Variants in FYN observed in about 807,000 individuals in gnomAD.
The protein encoded by FYN is tyrosine-protein kinase Fyn.
A neutral mutation model predicts 70.2 loss-of-function variants in FYN; 10 were observed. That is an observed-to-expected ratio of 0.14 (90% CI 0.09 to 0.24). FYN has a LOEUF of 0.24. Among genes scored for constraint, FYN ranks in the 10% least tolerant of loss-of-function variants. The pLI, the probability that FYN is intolerant of heterozygous loss-of-function variation, is 1.00. For missense variants in FYN, 319 were observed against 673.1 expected (o/e 0.47, Z 5.82); for synonymous variants, 236 against 248.6 (o/e 0.95, Z 0.48).
At chr6:111,828,965 T>C (rs1772924688) in intron 2 of FYN, among the ~76,000 whole-genome samples, 1 of 152,124 alleles carries the variant, frequency 6.6e-6, no homozygotes, top group African/African-American at 2.4e-5. Context: ...CTCAGAGCCT[T>C]TAAATGTTAA....
At position 111,661,733 on chromosome 6, in the gene FYN, C is replaced by T. The variant is rs1287592579; in HGVS notation, c.*6G>A. The T allele has an allele frequency of 6.8e-6, 11 of 1,612,536 alleles. No homozygotes were observed. The highest frequency in any genetic ancestry group is 2.2e-5 in the East Asian group (1 of 44,866). ...GGGACAAGGCCTCTCTCCGCAGACC[C>T]GGGCCTTACAGGTTTTCACCAGGTT... On this transcript the variant is annotated 3_prime_UTR_variant, in exon 14 of 14. Transcript: ENST00000354650. The surrounding 1 kb of genome is among the most constrained non-coding windows in gnomAD (Gnocchi z 4.0).
chr6:111,672,384 C>T (rs1177002030), intron 13 of FYN, among the ~76,000 whole-genome samples: 2 of 152,226 alleles, frequency 1.3e-5, no homozygotes, highest in African/African-American at 4.8e-5. Context: ...CTGCAGGAGC[C>T]GCTGGAGTTA....
At chr6:111,669,777 C>G (rs1798184789) in intron 13 of FYN, among the ~76,000 whole-genome samples, 1 of 151,970 alleles carries the variant, frequency 6.6e-6, no homozygotes, top group Non-Finnish European at 1.5e-5. Context: ...CATTTATTTG[C>G]TTATACTTAC....
intron 3 of FYN, among the ~76,000 whole-genome samples, chr6:111,743,912 A>G (rs932490185): frequency 1.1e-4 from 16 of 152,190 alleles, no homozygotes; most frequent in African/African-American, 3.9e-4. Flanking sequence ...TTTATTATAG[A>G]AAAAAAGTGG....
intron 10 of FYN, 73 bp downstream of exon 10, chr6:111,696,203 GA>G: frequency 7.9e-7 from 1 of 1,271,882 alleles, no homozygotes; most frequent in Middle Eastern, 2.4e-4. Flanking sequence ...TAGCAAGTAG[GA>G]AACTTCCATT....
At chr6:111,872,772 G>A (rs957598583) in intron 1 of FYN, among the ~76,000 whole-genome samples, 196 bp downstream of exon 1, 3 of 151,782 alleles carry the variant, frequency 2.0e-5, no homozygotes, top group African/African-American at 4.8e-5. Flanking sequence ...GCCGCACCCC[G>A]CAGGGGTGTC....
intron 4 of FYN, among the ~76,000 whole-genome samples, chr6:111,718,078 T>C (rs891389746): frequency 6.6e-6 from 1 of 152,206 alleles, no homozygotes; most frequent in African/African-American, 2.4e-5. Context: ...TTCCCTTCTT[T>C]AAAAACAATT....
intron 12 of FYN, among the ~76,000 whole-genome samples, chr6:111,675,876 C>T (rs1798513596): frequency 6.6e-6 from 1 of 151,692 alleles, no homozygotes; most frequent in Non-Finnish European, 1.5e-5. Context: ...GCAGCTTGTG[C>T]TCTCAAACAT....
intron 3 of FYN, among the ~76,000 whole-genome samples, chr6:111,733,341 C>T (rs548235887): frequency 2.6e-5 from 4 of 152,306 alleles, no homozygotes; most frequent in South Asian, 2.1e-4. Context: ...TTACTCAGGC[C>T]GTGGGACCTG....
chr6:111,767,921 T>C (rs1416897888), intron 3 of FYN, among the ~76,000 whole-genome samples: 2 of 151,960 alleles, frequency 1.3e-5, no homozygotes, highest in African/African-American at 2.4e-5. Context: ...GTGTAAAAAC[T>C]TTTTTTTGAC....
In FYN at chr6:111,708,035, G is replaced by C. The variant is rs1471837818; in HGVS notation, c.345-15C>G. The C allele has an allele frequency of 5.0e-6, 8 of 1,593,860 alleles. No individual in the cohort carries two copies. Among genetic ancestry groups the C allele is most frequent in the East Asian group, 2.2e-5 (1 of 44,786 alleles). ...AATCTCCTTCCCTGTAAATAAAAAAGAAAAGTAAATATGTTGACCATTTCA... is the reference window on the plus strand; with the variant it reads ...AATCTCCTTCCCTGTAAATAAAAAACAAAAGTAAATATGTTGACCATTTCA... On this transcript the variant is annotated splice_polypyrimidine_tract_variant and intron_variant, in intron 5 of 13. Transcript: ENST00000354650.
chr6:111,838,954 A>T (rs924514923), intron 2 of FYN, among the ~76,000 whole-genome samples: 1 of 152,178 alleles, frequency 6.6e-6, no homozygotes, highest in African/African-American at 2.4e-5. Flanking sequence ...CTGACTTCAG[A>T]CCGGGGCTTC....
intron 3 of FYN, among the ~76,000 whole-genome samples, chr6:111,743,504 C>G (rs772997444): frequency 1.3e-5 from 2 of 152,202 alleles, no homozygotes; most frequent in Non-Finnish European, 2.9e-5. Context: ...AGACAGCTCA[C>G]GTGATCAGTC....
intron 5 of FYN, chr6:111,708,801 G>A (rs137874012): frequency 6.6e-6 from 1 of 152,360 alleles, no homozygotes; most frequent in Non-Finnish European, 1.5e-5. Flanking sequence ...TACTGCCTTA[G>A]GCTCCATGCC....
intron 3 of FYN, among the ~76,000 whole-genome samples, chr6:111,776,247 G>A (rs1359973064): frequency 4.6e-5 from 7 of 152,158 alleles, no homozygotes; most frequent in African/African-American, 1.7e-4. Flanking sequence ...TGGCCCCTGA[G>A]GATCACCCAG....
At chr6:111,713,255 G>A (rs1800471861) in intron 5 of FYN, among the ~76,000 whole-genome samples, 1 of 152,160 alleles carries the variant, frequency 6.6e-6, no homozygotes, top group Non-Finnish European at 1.5e-5. Context: ...GCCTGAAGGA[G>A]GTCCCTGTGG....
intron 3 of FYN, among the ~76,000 whole-genome samples, chr6:111,762,413 G>T (rs768348598): frequency 1.3e-5 from 2 of 152,168 alleles, no homozygotes; most frequent in Non-Finnish European, 2.9e-5. Context: ...TGGAAAACTA[G>T]TTCAGGCCAT....
At chr6:111,702,635 T>C (rs1003687706) in intron 8 of FYN, 35 of 361,550 alleles carry the variant, frequency 9.7e-5, no homozygotes, top group Non-Finnish European at 1.7e-4. Context: ...ATTTAACCTA[T>C]TGCTTTCTAC....
chr6:111,714,543 T>C, intron 4 of FYN, 100 bp from the exon 5 acceptor site: 1 of 850,268 alleles, frequency 1.2e-6, no homozygotes, highest in Non-Finnish European at 2.0e-6. Flanking sequence ...ACAATCTACA[T>C]CTAGCCAGCA....
Sources: allele counts gnomAD v4.1 joint callset (sites outside exome capture counted in the v4.1 genomes callset), GRCh38; gene constraint gnomAD v4.1.1; non-coding constraint Gnocchi (gnomAD v3.1); transcripts MANE v1.5; gene names NCBI Gene and HGNC (gene_info 2026-07-23, HGNC 2026-07-21).